The following NT5DC1 variants were observed in gnomAD, a reference collection of about 807,000 sequenced individuals.
The protein encoded by NT5DC1 is 5'-nucleotidase domain containing 1.
NT5DC1 carries 42 observed loss-of-function variants against 59.4 expected under a neutral mutation model. The observed-to-expected ratio is 0.71, with a 90% confidence interval of 0.55 to 0.92. The LOEUF (loss-of-function observed/expected upper bound fraction) is 0.92. Ranked by LOEUF, NT5DC1 falls within the 40% of genes least tolerant of loss-of-function variation. The pLI is 0.00. For synonymous variants in NT5DC1, 172 were observed against 188.1 expected, an observed-to-expected ratio of 0.91 and a Z score of 0.70; for missense variants, 501 against 537.1, an observed-to-expected ratio of 0.93 and a Z score of 0.66.
intron 6 of NT5DC1, among the ~76,000 whole-genome samples, chr6:116,195,416 T>A (rs1250294939): frequency 6.6e-6 from 1 of 152,040 alleles, no homozygotes; most frequent in East Asian, 1.9e-4. Context: ...ACTTTTTTTT[T>A]ATTCAAGAGG....
chr6:116,178,130 TGTG>T (rs1780793574), intron 6 of NT5DC1, among the ~76,000 whole-genome samples: 2 of 151,632 alleles, frequency 1.3e-5, no homozygotes, highest in African/African-American at 4.9e-5. Flanking sequence ...TGTGTGTGTG[TGTG>T]TTTACTAGTG....
intron 6 of NT5DC1, among the ~76,000 whole-genome samples, chr6:116,215,998 C>A (rs965868570): frequency 4.6e-5 from 7 of 152,022 alleles, no homozygotes; most frequent in Non-Finnish European, 1.5e-5. Flanking sequence ...CAAAGAATTC[C>A]ATAATATACA....
intron 5 of NT5DC1, among the ~76,000 whole-genome samples, chr6:116,116,979 TA>T (rs976047525): frequency 2.0e-5 from 3 of 152,174 alleles, no homozygotes; most frequent in African/African-American, 7.2e-5. Flanking sequence ...CTTTCTGATT[TA>T]AAAAAACTTA....
chr6:116,154,188 A>G (rs1367201586), intron 6 of NT5DC1, among the ~76,000 whole-genome samples: 4 of 152,126 alleles, frequency 2.6e-5, no homozygotes, highest in Non-Finnish European at 5.9e-5. Context: ...ACTTTTGGCT[A>G]TTTAATTGTA....
intron 2 of NT5DC1, among the ~76,000 whole-genome samples, chr6:116,107,063 C>T (rs1228154400): frequency 6.6e-6 from 1 of 151,438 alleles, no homozygotes; most frequent in Admixed American, 6.6e-5. Flanking sequence ...TGAGGTGGCA[C>T]GTGCTTGTAT....
intron 6 of NT5DC1, chr6:116,118,938 C>CT (rs1466080338): frequency 6.6e-6 from 1 of 152,216 alleles, no homozygotes; most frequent in Non-Finnish European, 1.5e-5. Flanking sequence ...TATTGTCCTA[C>CT]TTTTTTATTA....
intron 4 of NT5DC1, among the ~76,000 whole-genome samples, chr6:116,111,622 C>G (rs1485944217): frequency 6.6e-6 from 1 of 152,176 alleles, no homozygotes; most frequent in African/African-American, 2.4e-5. Flanking sequence ...TCCCACACTA[C>G]AGTATTGAAT....
intron 6 of NT5DC1, among the ~76,000 whole-genome samples, chr6:116,179,640 T>C (rs931585001): frequency 1.3e-5 from 2 of 152,106 alleles, no homozygotes; most frequent in African/African-American, 4.8e-5. Flanking sequence ...CCCAGTGTTA[T>C]CAAAAAGAAT....
intron 5 of NT5DC1, among the ~76,000 whole-genome samples, chr6:116,116,136 A>G (rs1562119707): frequency 6.6e-6 from 1 of 152,212 alleles, no homozygotes. Flanking sequence ...GTCTTTAAGC[A>G]TTCTAAATAA....
chr6:116,163,051 C>T (rs1336305948), intron 6 of NT5DC1, among the ~76,000 whole-genome samples: 1 of 144,716 alleles, frequency 6.9e-6, no homozygotes, highest in African/African-American at 2.6e-5. Flanking sequence ...GGCGTGAACC[C>T]GGGAGGTGGA....
intron 6 of NT5DC1, among the ~76,000 whole-genome samples, chr6:116,139,223 T>TGGA (rs1779702507): frequency 6.6e-6 from 1 of 152,122 alleles, no homozygotes; most frequent in African/African-American, 2.4e-5. Context: ...TATCAAAGTG[T>TGGA]GGATTTTTTG....
At chr6:116,201,558 G>A (rs1200446475) in intron 6 of NT5DC1, among the ~76,000 whole-genome samples, 1 of 152,032 alleles carries the variant, frequency 6.6e-6, no homozygotes, top group Non-Finnish European at 1.5e-5. Flanking sequence ...GCATTTGCCA[G>A]AGTCAGGTTT....
intron 4 of NT5DC1, among the ~76,000 whole-genome samples, chr6:116,113,745 AT>A (rs1778919757): frequency 6.6e-6 from 1 of 152,210 alleles, no homozygotes; most frequent in South Asian, 2.1e-4. Flanking sequence ...CTTACTCAAA[AT>A]CAATAGTTCA....
intron 6 of NT5DC1, among the ~76,000 whole-genome samples, chr6:116,172,127 A>T (rs999601877): frequency 6.6e-6 from 1 of 152,154 alleles, no homozygotes; most frequent in African/African-American, 2.4e-5. Context: ...AGCATTTCCT[A>T]ACCTGTTGTA....
chr6:116,151,881 T>C (rs1419528005), intron 6 of NT5DC1, among the ~76,000 whole-genome samples: 1 of 152,242 alleles, frequency 6.6e-6, no homozygotes, highest in Non-Finnish European at 1.5e-5. Context: ...TCAAATATTC[T>C]TTTGTTCTGA....
At chr6:116,157,367 A>T (rs138533804) in intron 6 of NT5DC1, among the ~76,000 whole-genome samples, 1 of 152,206 alleles carries the variant, frequency 6.6e-6, no homozygotes, top group Non-Finnish European at 1.5e-5. Flanking sequence ...CTTCCACCTT[A>T]TTACAGTCTT....
At chr6:116,136,769 C>G (rs1408929784) in intron 6 of NT5DC1, among the ~76,000 whole-genome samples, 1 of 152,116 alleles carries the variant, frequency 6.6e-6, no homozygotes, top group Non-Finnish European at 1.5e-5. Context: ...TATTCTTGGC[C>G]TTAGTTCCAA....
At position 116,146,133 on chromosome 6, in the gene NT5DC1, A is replaced by G. The variant is rs145063817; in HGVS notation, c.529+28188A>G. Among the ~76,000 whole-genome samples, 395 of 152,302 alleles carry G rather than the reference A, an allele frequency of 2.6e-3. 10 individuals are homozygous for G. In the South Asian group the frequency reaches 0.043, roughly 17 times the overall value. ...TTACAGTTAATACTAATGAAAAAAA[A>G]CTTTCATGCTTTGTGTGGTGGGTGT... On this transcript the variant is annotated intron_variant, in intron 6 of 11. Transcript: ENST00000319550.
At chr6:116,148,999 T>C (rs1440449199) in intron 6 of NT5DC1, among the ~76,000 whole-genome samples, 1 of 152,230 alleles carries the variant, frequency 6.6e-6, no homozygotes, top group Non-Finnish European at 1.5e-5. Context: ...GAATTGACAA[T>C]TCTTTGTAGA....
Sources: gnomAD v4.1 joint callset for allele counts (sites outside exome capture counted in the v4.1 genomes callset) on GRCh38, gnomAD v4.1.1 for gene constraint, MANE v1.5 for transcripts, NCBI Gene and HGNC (gene_info 2026-07-23, HGNC 2026-07-21) for gene names.